GABBR2: variants seen among roughly 807,000 people sequenced by gnomAD.
GABBR2 encodes gamma-aminobutyric acid type B receptor subunit 2, also known as G-protein coupled receptor 51.
Under a neutral mutation model 105.6 loss-of-function variants are expected in GABBR2, and 23 were observed. The ratio of observed to expected loss-of-function variants is 0.22; its 90% confidence interval spans 0.16 to 0.31. The LOEUF (loss-of-function observed/expected upper bound fraction) is 0.31. GABBR2 is among the 10% of genes least tolerant of loss of function. GABBR2 has a pLI of 1.00. For missense variants in GABBR2, 734 were observed against 1,245.5 expected, an observed-to-expected ratio of 0.59 and a Z score of 6.18; for synonymous variants, 478 against 499.7, an observed-to-expected ratio of 0.96 and a Z score of 0.58.
chr9:98,588,214 A>G (rs970286620), intron 1 of GABBR2, among the ~76,000 whole-genome samples: 5 of 152,238 alleles, frequency 3.3e-5, no homozygotes, highest in African/African-American at 1.2e-4. Flanking sequence ...TCATTGCTAA[A>G]TCATGTTCAA....
chr9:98,491,236 G>A (rs1251931648), intron 4 of GABBR2, among the ~76,000 whole-genome samples: 1 of 152,294 alleles, frequency 6.6e-6, no homozygotes, highest in South Asian at 2.1e-4. Context: ...TCTTGAACAC[G>A]CTTTGGTCTG....
chr9:98,447,131 G>A lies in GABBR2; in HGVS notation c.1236+6850C>T, dbSNP rs1406898376. ...GGCTGGAGTGCAGTGGCGCAATCTC[G>A]GCTCACTGCAAGCTCCGCCTCCCGG... is the stretch of plus-strand genomic sequence containing the variant. On this transcript the variant is annotated intron_variant, in intron 7 of 18. Transcript: ENST00000259455. Among the ~76,000 whole-genome samples the A allele has an allele frequency of 1.0e-4, 11 of 109,748 alleles. 1 individual carries two copies. The highest frequency in any genetic ancestry group is 3.6e-4 in the African/African-American group (11 of 30,466). The allele number at this position is 109,748 out of a possible 152,430, so 72.0% of individuals were successfully genotyped here.
chr9:98,515,110 C>T (rs924152559), intron 3 of GABBR2, among the ~76,000 whole-genome samples: 10 of 152,248 alleles, frequency 6.6e-5, no homozygotes, highest in Admixed American at 2.0e-4. Context: ...CTGAGCTCCC[C>T]GCCATGACAG....
intron 1 of GABBR2, among the ~76,000 whole-genome samples, chr9:98,700,201 A>G (rs79277274): frequency 0.017 from 2,539 of 152,308 alleles, 78 homozygotes; most frequent in African/African-American, 0.058. Flanking sequence ...CAGAGCCTAG[A>G]ATAGGGCCAG....
At chr9:98,484,232 C>T (rs1161393346) in intron 4 of GABBR2, among the ~76,000 whole-genome samples, 6 of 152,120 alleles carry the variant, frequency 3.9e-5, no homozygotes, top group African/African-American at 1.4e-4. Flanking sequence ...CTATGACAAC[C>T]GAGTTGCAAG....
At chr9:98,333,089 G>A (rs1018545513) in intron 13 of GABBR2, among the ~76,000 whole-genome samples, 3 of 152,112 alleles carry the variant, frequency 2.0e-5, no homozygotes, top group Non-Finnish European at 2.9e-5. Flanking sequence ...GCAATGTGAA[G>A]GGCTGGCTTC....
chr9:98,308,182 A>G (rs545543248), intron 14 of GABBR2, among the ~76,000 whole-genome samples: 1 of 152,146 alleles, frequency 6.6e-6, no homozygotes, highest in Admixed American at 6.5e-5. Context: ...TGCAGTGAGC[A>G]GAGATCCTAT....
intron 1 of GABBR2, among the ~76,000 whole-genome samples, chr9:98,595,959 T>G (rs1007655805): frequency 1.3e-5 from 2 of 152,210 alleles, no homozygotes; most frequent in African/African-American, 2.4e-5. Context: ...CCATCCCCTT[T>G]GCCTGGCCAA....
Position 98,289,664 on chromosome 9 carries a change from C to T in GABBR2, c.*920G>A, listed in dbSNP as rs894651669. 6.6e-6 allele frequency: 1 copy of T among 152,572 alleles called. No individual in the cohort carries two copies. Among genetic ancestry groups the T allele is most frequent in the Non-Finnish European group, 1.5e-5 (1 of 68,040 alleles). 9.5% of individuals were successfully genotyped at this position (152,572 alleles called of 1,614,324 possible). A position where few individuals can be genotyped will look rare whatever the true frequency, so the allele number is the denominator to read the frequency against. On this transcript the variant is annotated 3_prime_UTR_variant, in exon 19 of 19. Transcript: ENST00000259455. ...AAAAAAAAAAAAAATCCCAGCCAGC[C>T]CTTGGGCCCTGATGAGAGAGGTTAA...
At chr9:98,629,583 C>G (rs1283390471) in intron 1 of GABBR2, among the ~76,000 whole-genome samples, 1 of 152,248 alleles carries the variant, frequency 6.6e-6, no homozygotes, top group African/African-American at 2.4e-5. Flanking sequence ...TCAACTCCTT[C>G]TTACATTTTA....
intron 1 of GABBR2, among the ~76,000 whole-genome samples, chr9:98,601,181 T>C (rs2131804860): frequency 6.6e-6 from 1 of 152,264 alleles, no homozygotes; most frequent in South Asian, 2.1e-4. Context: ...AGAATACCAA[T>C]GTAGATTGTC....
intron 7 of GABBR2, among the ~76,000 whole-genome samples, chr9:98,422,759 C>T (rs1394565695): frequency 7.2e-6 from 1 of 139,546 alleles, no homozygotes; most frequent in Non-Finnish European, 1.5e-5. Flanking sequence ...TATCCCTCCC[C>T]CCTCCCCCTA....
intron 1 of GABBR2, among the ~76,000 whole-genome samples, chr9:98,633,057 A>G (rs551257928): frequency 7.2e-5 from 11 of 152,298 alleles, no homozygotes; most frequent in African/African-American, 2.4e-4. Flanking sequence ...GTGTTTGTAG[A>G]TATCCGTGGT....
Position 98,476,083 on chromosome 9 carries a change from A to C in GABBR2, c.799-2737T>G, listed in dbSNP as rs144275694. On this transcript the variant is annotated intron_variant, in intron 5 of 18. Transcript: ENST00000259455. ...TGTCTCAAAAAACAAACAAACAAACAAAAAAACTCAGAGTGAGGATATGAA... is the reference window on the plus strand; with the variant it reads ...TGTCTCAAAAAACAAACAAACAAACCAAAAAACTCAGAGTGAGGATATGAA... Among the ~76,000 whole-genome samples, 114 of 152,284 alleles carry C rather than the reference A, an allele frequency of 7.5e-4. 2 individuals are homozygous for C. In the East Asian group the frequency reaches 0.021, roughly 29 times the overall value.
chr9:98,503,820 T>A (rs1288820002), intron 3 of GABBR2, among the ~76,000 whole-genome samples: 2 of 152,144 alleles, frequency 1.3e-5, no homozygotes, highest in Non-Finnish European at 2.9e-5. Flanking sequence ...ACTTTGGGAC[T>A]ACATGTTGGA....
intron 3 of GABBR2, among the ~76,000 whole-genome samples, chr9:98,499,780 G>A (rs1217827195): frequency 4.6e-5 from 7 of 152,190 alleles, no homozygotes; most frequent in South Asian, 2.1e-4. Context: ...GGCCAGGTGC[G>A]GTGGCTCACG....
At chr9:98,646,057 C>G (rs969624370) in intron 1 of GABBR2, among the ~76,000 whole-genome samples, 2 of 152,100 alleles carry the variant, frequency 1.3e-5, no homozygotes, top group Non-Finnish European at 2.9e-5. Context: ...TTTCTCTGGG[C>G]GGAAAAGGGT....
intron 1 of GABBR2, among the ~76,000 whole-genome samples, chr9:98,587,992 G>A (rs938352171): frequency 9.2e-5 from 14 of 152,044 alleles, no homozygotes; most frequent in African/African-American, 2.7e-4. Context: ...GAGAATCATC[G>A]AATGTTAAAG....
At chr9:98,423,086 C>T (rs1417014328) in intron 7 of GABBR2, among the ~76,000 whole-genome samples, 5 of 152,110 alleles carry the variant, frequency 3.3e-5, no homozygotes, top group African/African-American at 1.2e-4. Context: ...GTGCATGTGT[C>T]TTTATAGCAG....
Sources: gnomAD v4.1 joint callset for allele counts (sites outside exome capture counted in the v4.1 genomes callset) on GRCh38, gnomAD v4.1.1 for gene constraint, MANE v1.5 for transcripts, NCBI Gene and HGNC (gene_info 2026-07-23, HGNC 2026-07-21) for gene names.